Variants in BBS9 observed in about 807,000 individuals in gnomAD.
BBS9 encodes protein PTHB1.
BBS9 carries 89 observed loss-of-function variants against 117.7 expected under a neutral mutation model. The observed-to-expected ratio is 0.76, with a 90% CI of 0.64 to 0.90. The LOEUF is 0.90. Ranked by LOEUF, BBS9 falls within the 40% of genes least tolerant of loss-of-function variation. The pLI is 0.00. For synonymous variants in BBS9, 379 were observed against 370.9 expected, an observed-to-expected ratio of 1.02 and a Z score of -0.25; for missense variants, 982 against 1,042.2, an observed-to-expected ratio of 0.94 and a Z score of 0.80.
chr7:33,222,511 A>G (rs947625170), intron 5 of BBS9, among the ~76,000 whole-genome samples: 1 of 152,162 alleles, frequency 6.6e-6, no homozygotes, highest in Non-Finnish European at 1.5e-5. Flanking sequence ...CATGTGCATT[A>G]CTGAAAGAGC....
At chr7:33,349,223 T>A (rs1333823763) in intron 13 of BBS9, 53 bp downstream of exon 13, 3 of 1,281,572 alleles carry the variant, frequency 2.3e-6, no homozygotes, top group African/African-American at 2.9e-5. Context: ...TTTTTAAAAA[T>A]ACTAGTTTGT....
intron 2 of BBS9, among the ~76,000 whole-genome samples, chr7:33,150,644 A>G (rs1381950391): frequency 6.6e-6 from 1 of 152,190 alleles, no homozygotes; most frequent in East Asian, 1.9e-4. Flanking sequence ...TTATGGGCAG[A>G]AATGTCCTGG....
intron 17 of BBS9, among the ~76,000 whole-genome samples, chr7:33,372,283 G>C (rs149969513): frequency 3.9e-5 from 6 of 152,262 alleles, no homozygotes; most frequent in African/African-American, 1.4e-4. Context: ...TATCACAGTT[G>C]TGGATATTGA....
intron 9 of BBS9, among the ~76,000 whole-genome samples, chr7:33,328,548 A>G (rs566178583): frequency 6.6e-6 from 1 of 152,306 alleles, no homozygotes; most frequent in African/African-American, 2.4e-5. Context: ...CCTTTCAATC[A>G]TATGCTCCTT....
intron 21 of BBS9, among the ~76,000 whole-genome samples, chr7:33,536,681 T>TC (rs1563323298): frequency 2.3e-5 from 1 of 44,206 alleles, no homozygotes; most frequent in Non-Finnish European, 4.9e-5. Context: ...GATTCGGCCT[T>TC]CCCCCCGCCC....
At chr7:33,470,923 G>T (rs1018188266) in intron 19 of BBS9, among the ~76,000 whole-genome samples, 22 of 152,052 alleles carry the variant, frequency 1.4e-4, no homozygotes, top group African/African-American at 5.3e-4. Context: ...GATAGAAAAC[G>T]GCTGAGAAAT....
chr7:33,224,033 TGTG>T (rs1253526036), intron 5 of BBS9, among the ~76,000 whole-genome samples: 1 of 152,236 alleles, frequency 6.6e-6, no homozygotes, highest in East Asian at 1.9e-4. Flanking sequence ...TGTGTTTAAA[TGTG>T]GTAAATATAA....
intron 21 of BBS9, among the ~76,000 whole-genome samples, chr7:33,600,181 A>G (rs1863578852): frequency 6.6e-6 from 1 of 152,202 alleles, no homozygotes. Flanking sequence ...TCGCCGGAAG[A>G]CTGGCATCTG....
rs563415903 is a variant in BBS9, at chr7:33,338,357, A to G, written c.1198+1735A>G. On this transcript the variant is annotated intron_variant, in intron 10 of 22. Transcript: ENST00000242067. The stretch of plus-strand genomic sequence containing the variant: ...TACCTGTAATTAATAAAAGCACAAA[A>G]TTGTTTTATTACAGTTTTAGCTTCT... Among the ~76,000 whole-genome samples, 10 of 152,250 alleles carry G rather than the reference A, an allele frequency of 6.6e-5. No individual in the cohort carries two copies. The East Asian group carries it at 1.5e-3, about 24-fold the overall frequency.
intron 9 of BBS9, among the ~76,000 whole-genome samples, chr7:33,318,185 GA>G (rs750977893): frequency 2.0e-5 from 3 of 152,176 alleles, no homozygotes; most frequent in Non-Finnish European, 4.4e-5. Flanking sequence ...GGAGTCTAAA[GA>G]GCCTGAATAA....
chr7:33,609,115 T>A (rs1864736635), downstream of BBS9, among the ~76,000 whole-genome samples: 1 of 152,064 alleles, frequency 6.6e-6, no homozygotes, highest in East Asian at 1.9e-4. Context: ...TGAACAGGGA[T>A]CCCTTTCCCC....
chr7:33,366,997 T>C (rs1362383999), intron 16 of BBS9, among the ~76,000 whole-genome samples: 2 of 152,192 alleles, frequency 1.3e-5, no homozygotes, highest in East Asian at 3.9e-4. Context: ...TTGTCTTTTT[T>C]TGTGTGTGAT....
chr7:33,386,392 G>A (rs1198098766), intron 18 of BBS9, among the ~76,000 whole-genome samples: 1 of 151,924 alleles, frequency 6.6e-6, no homozygotes, highest in African/African-American at 2.4e-5. Context: ...TTGAGTTAGT[G>A]ATTCACATGA....
intron 5 of BBS9, among the ~76,000 whole-genome samples, chr7:33,191,272 G>A (rs1235259731): frequency 1.3e-5 from 2 of 152,102 alleles, no homozygotes; most frequent in African/African-American, 2.4e-5. Flanking sequence ...TCCTTATTTG[G>A]GCTATGTTTA....
chr7:33,414,995 A>T (rs1422972815), intron 19 of BBS9, among the ~76,000 whole-genome samples: 2 of 152,138 alleles, frequency 1.3e-5, no homozygotes, highest in Non-Finnish European at 2.9e-5. Context: ...AAACAACAAC[A>T]ATAAAAACCT....
intron 9 of BBS9, among the ~76,000 whole-genome samples, chr7:33,292,584 T>G (rs1323029420): frequency 1.3e-5 from 2 of 152,188 alleles, no homozygotes; most frequent in Non-Finnish European, 2.9e-5. Context: ...TTTTATTATG[T>G]CAGGTGAATA....
chr7:33,615,288 G>C (rs76428203), intron 21 of BBS9, among the ~76,000 whole-genome samples: 1 of 152,154 alleles, frequency 6.6e-6, no homozygotes, highest in East Asian at 1.9e-4. Context: ...TGGCATGATT[G>C]TTAGAATTGT....
At chr7:33,493,995 A>G (rs1212875836) in intron 19 of BBS9, among the ~76,000 whole-genome samples, 1 of 152,232 alleles carries the variant, frequency 6.6e-6, no homozygotes, top group Non-Finnish European at 1.5e-5. Flanking sequence ...GGAATGAAAA[A>G]GTCTCCAGTG....
chr7:33,511,883 T>G (rs1192374087), intron 20 of BBS9, among the ~76,000 whole-genome samples: 1 of 152,250 alleles, frequency 6.6e-6, no homozygotes, highest in Non-Finnish European at 1.5e-5. Context: ...TTGTGCTTGC[T>G]GTCTGGGTTG....
Sources: allele counts gnomAD v4.1 joint callset (sites outside exome capture counted in the v4.1 genomes callset), GRCh38; gene constraint gnomAD v4.1.1; transcripts MANE v1.5; gene names NCBI Gene and HGNC (gene_info 2026-07-23, HGNC 2026-07-21).